The following CIRSR variants were observed in gnomAD, a reference collection of about 807,000 sequenced individuals.
The protein encoded by CIRSR is corepressor of RBPJ and splicing regulator, also known as CBF1 (RBPJ) interacting corepressor 1.
At chr2:174,383,311 A>T in the CIRSR span, among the ~76,000 whole-genome samples, 1 of 152,202 alleles carries the variant, frequency 6.6e-6, no homozygotes, top group African/African-American at 2.4e-5. Context: ...TTTTTGGATA[A>T]TGCAAATGTT....
the CIRSR span, among the ~76,000 whole-genome samples, chr2:174,366,357 C>T: frequency 2.0e-5 from 3 of 152,118 alleles, no homozygotes; most frequent in South Asian, 6.2e-4. Context: ...CCAGAAAACA[C>T]CAAGCAAGAT....
the CIRSR span, among the ~76,000 whole-genome samples, chr2:174,385,778 T>C: frequency 1.3e-5 from 2 of 152,100 alleles, no homozygotes; most frequent in Non-Finnish European, 2.9e-5. Context: ...TAAACAGCCA[T>C]GAGTCCATAT....
the CIRSR span, among the ~76,000 whole-genome samples, chr2:174,373,828 C>CTG: frequency 0.12 from 18,325 of 147,766 alleles, 1,434 homozygotes; most frequent in Non-Finnish European, 0.18. Flanking sequence ...TACTATCCCC[C>CTG]TGTGTGTGTG....
the CIRSR span, chr2:174,380,365 T>A: frequency 4.2e-5 from 31 of 729,852 alleles, no homozygotes; most frequent in Middle Eastern, 1.6e-3. Flanking sequence ...ATATATTACT[T>A]CAGTAAGAAT....
At chr2:174,378,965 G>T in the CIRSR span, 1 of 1,613,650 alleles carries the variant, frequency 6.2e-7, no homozygotes. Context: ...ATTCCAGAAA[G>T]ACCAAACAAA....
chr2:174,356,900 A>G, the CIRSR span, among the ~76,000 whole-genome samples: 5 of 152,122 alleles, frequency 3.3e-5, no homozygotes, highest in Non-Finnish European at 7.4e-5. Flanking sequence ...TTCTTGTCTT[A>G]GCTATTACTT....
At chr2:174,353,114 G>A in the CIRSR span, among the ~76,000 whole-genome samples, 1,613 of 152,118 alleles carry the variant, frequency 0.011, 8 homozygotes, top group South Asian at 0.018. Context: ...TTCATATTGC[G>A]AAGAACAACT....
the CIRSR span, chr2:174,351,676 C>T: frequency 6.2e-7 from 1 of 1,613,730 alleles, no homozygotes; most frequent in Middle Eastern, 1.7e-4. Flanking sequence ...TCAGTGCAAA[C>T]CCACTGTTTC....
At chr2:174,356,144 G>A in the CIRSR span, among the ~76,000 whole-genome samples, 28 of 152,144 alleles carry the variant, frequency 1.8e-4, 3 homozygotes, top group African/African-American at 6.3e-4. Flanking sequence ...GGGGCAGTGA[G>A]TTGTAGGTTA....
the CIRSR span, among the ~76,000 whole-genome samples, chr2:174,379,557 T>C: frequency 6.6e-6 from 1 of 152,134 alleles, no homozygotes; most frequent in African/African-American, 2.4e-5. Context: ...CCAATAAAAC[T>C]TTCTTTACAA....
the CIRSR span, chr2:174,381,739 T>C: frequency 1.3e-6 from 2 of 1,598,728 alleles, no homozygotes; most frequent in African/African-American, 1.4e-5. Flanking sequence ...ATACATGAAA[T>C]TAAGGCCATT....
At chr2:174,395,290 A>G in the CIRSR span, among the ~76,000 whole-genome samples, 1 of 152,248 alleles carries the variant, frequency 6.6e-6, no homozygotes, top group Non-Finnish European at 1.5e-5. Context: ...TTTTGACATT[A>G]GTCTTCGCAT....
the CIRSR span, among the ~76,000 whole-genome samples, chr2:174,359,324 G>A: frequency 8.9e-6 from 1 of 112,296 alleles, no homozygotes; most frequent in Non-Finnish European, 1.9e-5. Flanking sequence ...TAAGACCAGT[G>A]CATTTTACTT....
the CIRSR span, chr2:174,358,075 T>C: frequency 6.6e-6 from 1 of 152,182 alleles, no homozygotes; most frequent in Admixed American, 6.5e-5. Context: ...TTGATGTCTA[T>C]TGAAACACAC....
At chr2:174,390,906 C>T in the CIRSR span, among the ~76,000 whole-genome samples, 1 of 152,176 alleles carries the variant, frequency 6.6e-6, no homozygotes, top group Non-Finnish European at 1.5e-5. Context: ...TTTCCTGAGG[C>T]CTCCCCAGCC....
At chr2:174,368,132 T>G in the CIRSR span, among the ~76,000 whole-genome samples, 87,202 of 152,050 alleles carry the variant, frequency 0.57, 28,038 homozygotes, top group East Asian at 0.8. Context: ...TAGCTGGAGA[T>G]GTCAACACCC....
chr2:174,376,585 C>T, the CIRSR span, among the ~76,000 whole-genome samples: 1 of 150,524 alleles, frequency 6.6e-6, no homozygotes, highest in Non-Finnish European at 1.5e-5. Context: ...ATCATGAGGT[C>T]AGGAGATCAA....
At chr2:174,369,809 C>T in the CIRSR span, among the ~76,000 whole-genome samples, 4 of 152,112 alleles carry the variant, frequency 2.6e-5, no homozygotes, top group African/African-American at 7.2e-5. Flanking sequence ...GTGCAGTTTG[C>T]GGCATCTCAA....
the CIRSR span, among the ~76,000 whole-genome samples, chr2:174,392,780 T>TAA: frequency 3.3e-5 from 5 of 152,174 alleles, no homozygotes; most frequent in African/African-American, 1.2e-4. Context: ...TGATTTGGGG[T>TAA]AAAAAACTTT....
Sources: gnomAD v4.1 joint callset for allele counts (sites outside exome capture counted in the v4.1 genomes callset) on GRCh38, gnomAD v4.1.1 for gene constraint, MANE v1.5 for transcripts, NCBI Gene and HGNC (gene_info 2026-07-23, HGNC 2026-07-21) for gene names.